Variants in RFTN2 observed in about 807,000 individuals in gnomAD.
The protein encoded by RFTN2 is raftlin-2.
In RFTN2, 34 loss-of-function variants were observed where a neutral mutation model predicts 52.7. That is an observed-to-expected ratio of 0.64 (90% CI 0.49 to 0.86). The LOEUF (loss-of-function observed/expected upper bound fraction) is 0.86. Among genes scored for constraint, RFTN2 ranks in the 40% least tolerant of loss-of-function variants. The pLI is 0.00. For missense variants in RFTN2, 536 were observed against 600.1 expected (o/e 0.89, Z 1.12); for synonymous variants, 203 against 217.7 (o/e 0.93, Z 0.59).
At chr2:197,612,123 G>C (rs1320278725) in intron 7 of RFTN2, among the ~76,000 whole-genome samples, 1 of 152,178 alleles carries the variant, frequency 6.6e-6, no homozygotes, top group Non-Finnish European at 1.5e-5. Context: ...TGTCTATTAG[G>C]TTCACTTGAG....
intron 3 of RFTN2, among the ~76,000 whole-genome samples, chr2:197,635,326 C>G (rs893637691): frequency 1.8e-4 from 28 of 152,174 alleles, no homozygotes; most frequent in Admixed American, 1.2e-3. Flanking sequence ...ACTTCCACAA[C>G]GGTTGAACTA....
chr2:197,613,106 T>A (rs2088090364), intron 7 of RFTN2, among the ~76,000 whole-genome samples: 1 of 152,212 alleles, frequency 6.6e-6, no homozygotes, highest in Admixed American at 6.5e-5. Context: ...TCATCTTCAG[T>A]GCTGATTTTG....
At chr2:197,596,772 G>A (rs982508290) in intron 7 of RFTN2, among the ~76,000 whole-genome samples, 2 of 152,180 alleles carry the variant, frequency 1.3e-5, no homozygotes, top group Non-Finnish European at 2.9e-5. Context: ...GCTGCCACAT[G>A]TGAGAAAATT....
rs531182437 is a variant in RFTN2 at position 197,603,638 on chromosome 2, G to A, written c.1155-7569C>T. Among the ~76,000 whole-genome samples, 33 of 152,282 alleles carry A rather than the reference G, an allele frequency of 2.2e-4. No individual in the cohort carries two copies. The South Asian group carries it at 2.3e-3, about 11-fold the overall frequency. ...GGCCTTATGAATAGAACTTTAGGCC[G>A]GGTGTGGTGGCTCACGCCTGTAATC... On this transcript the variant is annotated intron_variant, in intron 7 of 8. Transcript: ENST00000295049.
chr2:197,627,789 G>GT (rs1336679315), intron 5 of RFTN2, among the ~76,000 whole-genome samples: 1 of 152,124 alleles, frequency 6.6e-6, no homozygotes, highest in East Asian at 1.9e-4. Context: ...TAGAGTGAGT[G>GT]TGGAGGGACA....
intron 4 of RFTN2, among the ~76,000 whole-genome samples, chr2:197,631,494 TCTTTTAATACACA>T (rs1222131030): frequency 2.0e-5 from 3 of 152,240 alleles, no homozygotes; most frequent in Admixed American, 6.5e-5. Flanking sequence ...AAGCTTTTAA[TCTTTTAATACACA>T]CTTATATAAC....
intron 1 of RFTN2, among the ~76,000 whole-genome samples, chr2:197,662,761 TC>T (rs1036833915): frequency 5.3e-5 from 8 of 152,148 alleles, no homozygotes; most frequent in Non-Finnish European, 2.9e-5. Context: ...TTTGGTGTCC[TC>T]TTCCATTTCG....
intron 4 of RFTN2, among the ~76,000 whole-genome samples, chr2:197,632,321 T>C (rs1046831884): frequency 6.6e-6 from 1 of 152,216 alleles, no homozygotes; most frequent in South Asian, 2.1e-4. Context: ...CAGATAGTGA[T>C]AGTTGAATCA....
intron 7 of RFTN2, among the ~76,000 whole-genome samples, chr2:197,599,854 T>G (rs561540954): frequency 2.0e-5 from 3 of 151,812 alleles, no homozygotes; most frequent in African/African-American, 7.3e-5. Flanking sequence ...AGCTTGATTT[T>G]ATTTTATATT....
intron 4 of RFTN2, among the ~76,000 whole-genome samples, chr2:197,632,955 A>G (rs2088490965): frequency 6.6e-6 from 1 of 152,236 alleles, no homozygotes; most frequent in Non-Finnish European, 1.5e-5. Context: ...TACTTCTCAC[A>G]ACAACCCAAT....
At chr2:197,630,948 T>A in intron 5 of RFTN2, 63 bp downstream of exon 5, 1 of 1,120,096 alleles carries the variant, frequency 8.9e-7, no homozygotes, top group East Asian at 2.4e-5. Flanking sequence ...TAAAAACATT[T>A]TCACTGATTT....
chr2:197,612,163 T>C (rs2088071773), intron 7 of RFTN2, among the ~76,000 whole-genome samples: 1 of 152,182 alleles, frequency 6.6e-6, no homozygotes, highest in Admixed American at 6.6e-5. Flanking sequence ...CTTGGTATAG[T>C]ACAACTTGAT....
chr2:197,640,772 A>AT (rs1478920277), intron 3 of RFTN2, among the ~76,000 whole-genome samples: 1 of 152,042 alleles, frequency 6.6e-6, no homozygotes, highest in African/African-American at 2.4e-5. Flanking sequence ...AGGAATGCTT[A>AT]TTTTTACACT....
chr2:197,612,223 A>G (rs767224256), intron 7 of RFTN2, among the ~76,000 whole-genome samples: 3 of 152,038 alleles, frequency 2.0e-5, no homozygotes, highest in Non-Finnish European at 4.4e-5. Flanking sequence ...TCTGGATATA[A>G]ATGAGTGCAT....
chr2:197,577,537 C>T (rs2087438260), intron 8 of RFTN2, among the ~76,000 whole-genome samples: 1 of 152,246 alleles, frequency 6.6e-6, no homozygotes, highest in African/African-American at 2.4e-5. Context: ...TTGAGAATGG[C>T]ACCTTCTTCC....
At chr2:197,579,286 G>A (rs527832534) in intron 8 of RFTN2, among the ~76,000 whole-genome samples, 33 of 152,106 alleles carry the variant, frequency 2.2e-4, no homozygotes, top group African/African-American at 7.0e-4. Flanking sequence ...AATTGCCCCC[G>A]ACCCCTTCTC....
chr2:197,590,011 A>AT (rs1337154448), intron 8 of RFTN2, among the ~76,000 whole-genome samples: 2 of 151,698 alleles, frequency 1.3e-5, no homozygotes, highest in Admixed American at 6.6e-5. Flanking sequence ...GGCTCCAGCG[A>AT]TCCCCCCACC....
chr2:197,616,757 T>C (rs1199737083), intron 6 of RFTN2, among the ~76,000 whole-genome samples: 1 of 152,208 alleles, frequency 6.6e-6, no homozygotes, highest in Non-Finnish European at 1.5e-5. Context: ...GTCTTTTCAC[T>C]GCTTTTTTCT....
intron 8 of RFTN2, among the ~76,000 whole-genome samples, chr2:197,591,369 C>CT (rs2087710039): frequency 6.6e-6 from 1 of 152,230 alleles, no homozygotes; most frequent in Non-Finnish European, 1.5e-5. Context: ...ACACAGGGTG[C>CT]TGATTGGTGT....
Sources: gnomAD v4.1 joint callset for allele counts (sites outside exome capture counted in the v4.1 genomes callset) on GRCh38, gnomAD v4.1.1 for gene constraint, MANE v1.5 for transcripts, NCBI Gene and HGNC (gene_info 2026-07-23, HGNC 2026-07-21) for gene names.